CPNE5: variants seen among roughly 807,000 people sequenced by gnomAD.
CPNE5 encodes the protein copine-5.
A neutral mutation model predicts 81.1 loss-of-function variants in CPNE5; 42 were observed. The observed-to-expected ratio is 0.52, with a 90% CI of 0.40 to 0.67. The LOEUF is 0.67. CPNE5 is among the 30% of genes least tolerant of loss of function. The pLI is 0.00. For synonymous variants in CPNE5, 313 were observed against 321.5 expected, an observed-to-expected ratio of 0.97 and a Z score of 0.28; for missense variants, 612 against 815.5, an observed-to-expected ratio of 0.75 and a Z score of 3.04.
rs147118235 is a variant in CPNE5 at position 36,819,486 on chromosome 6, C to T, written c.183+2628G>A. On this transcript the variant is annotated intron_variant, in intron 3 of 20. Transcript: ENST00000244751. ...CATGAATAAAATTCACCCCCTTCAA[C>T]CTCTTGGTCCCACCAAGTCTGGGGA... 4.6e-5 allele frequency among the ~76,000 whole-genome samples: 7 copies of T among 152,320 alleles called. No homozygotes were observed. The East Asian group carries it at 1.3e-3, about 29-fold the overall frequency.
chr6:36,828,308 C>CAAAAAA (rs11444450), intron 1 of CPNE5, among the ~76,000 whole-genome samples: 79 of 78,550 alleles, frequency 1.0e-3, no homozygotes, highest in Non-Finnish European at 1.2e-3. Context: ...AACAACAAAC[C>CAAAAAA]AAAAAAAAAA....
intron 12 of CPNE5, among the ~76,000 whole-genome samples, chr6:36,760,804 C>T (rs1219839003): frequency 6.6e-6 from 1 of 152,150 alleles, no homozygotes; most frequent in African/African-American, 2.4e-5. Context: ...GAGCCTGACA[C>T]TAGGGCAATG....
intron 3 of CPNE5, among the ~76,000 whole-genome samples, chr6:36,809,658 A>G (rs539068393): frequency 1.3e-5 from 2 of 152,328 alleles, no homozygotes; most frequent in African/African-American, 4.8e-5. Flanking sequence ...ACCTGATTTT[A>G]GAGCTGGAAG....
In CPNE5 at chr6:36,746,027, TG is replaced by T; in HGVS notation, c.1200+368del. The T allele has an allele frequency of 3.3e-6, 1 of 299,614 alleles. No individual in the cohort carries two copies. Among genetic ancestry groups the T allele is most frequent in the Non-Finnish European group, 4.9e-6 (1 of 202,982 alleles). The allele number at this position is 299,614 out of a possible 1,614,324, so 18.6% of individuals were successfully genotyped here. ...GATGACGCCATGCTCCACATCACCC[TG>T]GAGATCCACGTCATCCCATCTCAGC... On this transcript the variant is annotated intron_variant, in intron 16 of 20. Coordinates refer to ENST00000244751, the MANE Select transcript of CPNE5 (RefSeq NM_020939.2). This position sits in a 1 kb window ranked among gnomAD's most constrained non-coding sequence, Gnocchi z 4.5.
intron 8 of CPNE5, among the ~76,000 whole-genome samples, chr6:36,783,378 TA>T (rs36056853): frequency 0.54 from 63,962 of 118,144 alleles, 17,834 homozygotes; most frequent in Non-Finnish European, 0.65. Context: ...GCAGTAAAAG[TA>T]AAAAAAAAAA....
Position 36,756,299 on chromosome 6 carries a change from C to G in CPNE5, c.856-1G>C. 1 of 1,613,762 alleles carries G rather than the reference C, an allele frequency of 6.2e-7. No individual in the cohort carries two copies. Among genetic ancestry groups the G allele is most frequent in the Non-Finnish European group, 8.5e-7 (1 of 1,179,860 alleles). On this transcript the variant is annotated splice_acceptor_variant, in intron 12 of 20. Transcript: ENST00000244751. LOFTEE classifies it high-confidence loss of function. ...TCATTTTCTTTTTCGGGTTTACCAC[C>G]TGCAGGAAAAACCAGTTACCAGGTA...
chr6:36,756,003 G>A, intron 13 of CPNE5: 1 of 533,158 alleles, frequency 1.9e-6, no homozygotes, highest in Non-Finnish European at 3.3e-6. Context: ...GAAGTCCCGT[G>A]GATGTCTCTG....
chr6:36,785,718 T>C (rs1768468377), intron 8 of CPNE5, among the ~76,000 whole-genome samples: 1 of 151,838 alleles, frequency 6.6e-6, no homozygotes, highest in Non-Finnish European at 1.5e-5. Flanking sequence ...AAAATAACAA[T>C]TTAAAAAATT....
chr6:36,765,953 C>T (rs1241879858), intron 10 of CPNE5, among the ~76,000 whole-genome samples: 1 of 152,172 alleles, frequency 6.6e-6, no homozygotes, highest in Admixed American at 6.5e-5. Context: ...AGCCTGGCTG[C>T]TTTAATTAGT....
At chr6:36,821,614 C>G (rs780441245) in intron 3 of CPNE5, among the ~76,000 whole-genome samples, 6 of 152,052 alleles carry the variant, frequency 3.9e-5, no homozygotes, top group Non-Finnish European at 8.8e-5. Flanking sequence ...AGGGCGTCAT[C>G]CTGGGTTGGG....
intron 8 of CPNE5, 63 bp from the exon 9 acceptor site, chr6:36,779,020 C>T: frequency 8.6e-7 from 1 of 1,160,668 alleles, no homozygotes; most frequent in South Asian, 1.3e-5. Flanking sequence ...GCTCCCAGAC[C>T]CCGGCAAGCA....
chr6:36,763,782 A>G (rs1232926361), intron 11 of CPNE5, among the ~76,000 whole-genome samples: 1 of 152,180 alleles, frequency 6.6e-6, no homozygotes, highest in African/African-American at 2.4e-5. Context: ...AAATATAACA[A>G]ATGTTAAATT....
intron 10 of CPNE5, among the ~76,000 whole-genome samples, chr6:36,771,980 T>C (rs1349647220): frequency 6.6e-6 from 1 of 152,082 alleles, no homozygotes; most frequent in Non-Finnish European, 1.5e-5. Context: ...AGGCTCTGCC[T>C]CAGAGTGGGA....
chr6:36,744,266 A>G lies in CPNE5; in HGVS notation c.1489+2T>C, dbSNP rs752547162. On this transcript the variant is annotated splice_donor_variant, in intron 19 of 20. Transcript: ENST00000244751. LOFTEE classifies it high-confidence loss of function. Reference sequence around the variant, plus strand: ...GGAGGGGAAGGCAGCAGCTGGACTCACCGTCGAACTCTGCCTGGCCCACGC... The same window carrying G: ...GGAGGGGAAGGCAGCAGCTGGACTCGCCGTCGAACTCTGCCTGGCCCACGC... 6.3e-7 allele frequency: 1 copy of G among 1,576,350 alleles called. No homozygotes were observed. The highest frequency in any genetic ancestry group is 8.6e-7 in the Non-Finnish European group (1 of 1,161,244).
At chr6:36,783,811 G>A (rs893942108) in intron 8 of CPNE5, among the ~76,000 whole-genome samples, 12 of 152,298 alleles carry the variant, frequency 7.9e-5, no homozygotes, top group African/African-American at 2.6e-4. Flanking sequence ...ACTGCACCTG[G>A]CTATTATTCC....
chr6:36,818,011 G>A (rs1195554404), intron 3 of CPNE5, among the ~76,000 whole-genome samples: 2 of 152,048 alleles, frequency 1.3e-5, no homozygotes, highest in African/African-American at 4.8e-5. Context: ...GGGCCCCTGG[G>A]TTATGTCTTC....
intron 1 of CPNE5, among the ~76,000 whole-genome samples, chr6:36,829,153 A>G (rs1172358536): frequency 1.3e-5 from 2 of 152,134 alleles, no homozygotes; most frequent in Admixed American, 1.3e-4. Flanking sequence ...CTGGTTGCAT[A>G]GCCTTCCTTG....
chr6:36,774,848 C>T (rs980030250), intron 10 of CPNE5, 113 bp downstream of exon 10: 24 of 807,676 alleles, frequency 3.0e-5, no homozygotes, highest in Non-Finnish European at 4.9e-5. Context: ...TCCAGAAGGC[C>T]TCATTTCTAC....
intron 14 of CPNE5, among the ~76,000 whole-genome samples, chr6:36,750,773 C>T (rs766012366): frequency 6.6e-6 from 1 of 152,158 alleles, no homozygotes; most frequent in Non-Finnish European, 1.5e-5. Flanking sequence ...TGATTCTGGC[C>T]TGTGGGACTA....
Sources: allele counts gnomAD v4.1 joint callset (sites outside exome capture counted in the v4.1 genomes callset), GRCh38; gene constraint gnomAD v4.1.1; non-coding constraint Gnocchi (gnomAD v3.1); transcripts MANE v1.5; gene names NCBI Gene and HGNC (gene_info 2026-07-23, HGNC 2026-07-21).